STAB2: variants seen among roughly 807,000 people sequenced by gnomAD.
STAB2 encodes stabilin 2.
STAB2 carries 288 observed loss-of-function variants against 338.1 expected under a neutral mutation model. The observed-to-expected ratio is 0.85, with a 90% confidence interval of 0.77 to 0.94. The LOEUF is 0.94. Ranked by LOEUF, STAB2 falls within the 40% of genes least tolerant of loss-of-function variation. The pLI, the probability that STAB2 is intolerant of heterozygous loss-of-function variation, is 0.00. For synonymous variants in STAB2, 1,202 were observed against 1,193.3 expected, an observed-to-expected ratio of 1.01 and a Z score of -0.15; for missense variants, 3,141 against 3,210.1, an observed-to-expected ratio of 0.98 and a Z score of 0.52.
chr12:103,622,196 A>G (rs775242153), intron 5 of STAB2, 85 bp downstream of exon 5: 1 of 1,397,148 alleles, frequency 7.2e-7, no homozygotes, highest in South Asian at 1.2e-5. Context: ...AAAACACTGA[A>G]TAGTTATGTG....
At chr12:103,661,624 A>G (rs1301648673) in intron 17 of STAB2, among the ~76,000 whole-genome samples, 1 of 152,238 alleles carries the variant, frequency 6.6e-6, no homozygotes, top group Admixed American at 6.5e-5. Context: ...GGGGGACAGA[A>G]GGTGGGGATG....
chr12:103,677,317 G>A, intron 24 of STAB2, 136 bp from the exon 25 acceptor site: 8 of 1,249,736 alleles, frequency 6.4e-6, no homozygotes, highest in Non-Finnish European at 8.8e-6. Context: ...GAATCTCAAT[G>A]TAAATTAAGC....
intron 38 of STAB2, 112 bp downstream of exon 38, chr12:103,707,099 G>GATTCCAGCCCA: frequency 8.5e-7 from 1 of 1,181,652 alleles, no homozygotes; most frequent in Non-Finnish European, 1.2e-6. Flanking sequence ...CCCCAAGTGG[G>GATTCCAGCCCA]CTGGAATCCC....
Position 103,706,914 on chromosome 12 carries a change from G to A in STAB2, c.4119G>A (p.Glu1373=). The A allele has an allele frequency of 6.2e-7, 1 of 1,614,258 alleles. No individual in the cohort carries two copies. Among genetic ancestry groups the A allele is most frequent in the Non-Finnish European group, 8.5e-7 (1 of 1,180,050 alleles). The change falls in exon 38 of 69, where the codon GAG becomes GAA. Residue 1373 remains glutamate, a synonymous_variant. Transcript: ENST00000388887. ...LDGVNGTGVC[E]CGEGFSGTAC... is the part of the protein sequence containing the mutation. ...GAGTGAATGGCACAGGTGTGTGTGAGTGTGGGGAGGGCTTCAGCGGCACAG... is the reference window on the plus strand; with the variant it reads ...GAGTGAATGGCACAGGTGTGTGTGAATGTGGGGAGGGCTTCAGCGGCACAG...
chr12:103,759,393 T>G, intron 65 of STAB2, 120 bp downstream of exon 65: 9 of 1,379,436 alleles, frequency 6.5e-6, no homozygotes, highest in Non-Finnish European at 7.7e-6. Flanking sequence ...AACCTGCAGA[T>G]AGGGGACGGT....
At chr12:103,761,134 G>A (rs1029420402) in intron 65 of STAB2, among the ~76,000 whole-genome samples, 166 bp from the exon 66 acceptor site, 1 of 152,154 alleles carries the variant, frequency 6.6e-6, no homozygotes, top group Non-Finnish European at 1.5e-5. Flanking sequence ...GACAATTAAT[G>A]TGTTCTGGGC....
chr12:103,699,649 G>A (rs768466385), intron 34 of STAB2, among the ~76,000 whole-genome samples: 17 of 152,232 alleles, frequency 1.1e-4, no homozygotes, highest in Non-Finnish European at 1.6e-4. Context: ...AGATTTGGGT[G>A]TGGGCACAGC....
At chr12:103,675,364 T>C (rs1481523051) in intron 23 of STAB2, among the ~76,000 whole-genome samples, 2 of 152,136 alleles carry the variant, frequency 1.3e-5, no homozygotes, top group Non-Finnish European at 2.9e-5. Context: ...AAATGTGGTG[T>C]TGGGGGAAAA....
intron 56 of STAB2, among the ~76,000 whole-genome samples, chr12:103,743,466 A>G (rs1159871924): frequency 1.3e-5 from 2 of 152,228 alleles, no homozygotes; most frequent in African/African-American, 4.8e-5. Flanking sequence ...AGGGTGAAGA[A>G]TGAAAGGAGA....
At chr12:103,618,455 T>C (rs552347943) in intron 3 of STAB2, among the ~76,000 whole-genome samples, 22 of 152,316 alleles carry the variant, frequency 1.4e-4, no homozygotes, top group Admixed American at 4.6e-4. Context: ...GTCTAAGACA[T>C]TTTGTTATAG....
intron 3 of STAB2, among the ~76,000 whole-genome samples, chr12:103,608,486 T>G (rs1205344739): frequency 6.6e-6 from 1 of 152,212 alleles, no homozygotes; most frequent in Non-Finnish European, 1.5e-5. Flanking sequence ...CATAAATGTC[T>G]TCTTTTGAGG....
At chr12:103,640,051 A>T in intron 8 of STAB2, 72 bp from the exon 9 acceptor site, 1 of 1,512,432 alleles carries the variant, frequency 6.6e-7, no homozygotes, top group South Asian at 1.3e-5. Context: ...ATAAAAATAC[A>T]AATTAAAGAA....
At chr12:103,638,357 T>G (rs1360701578) in intron 8 of STAB2, 145 bp downstream of exon 8, 2 of 880,012 alleles carry the variant, frequency 2.3e-6, no homozygotes, top group Non-Finnish European at 3.3e-6. Context: ...CTCCATGTGC[T>G]CAGAGCCTGA....
At chr12:103,685,151 C>CT (rs1877282642) in intron 27 of STAB2, 67 bp downstream of exon 27, 16 of 1,409,164 alleles carry the variant, frequency 1.1e-5, no homozygotes, top group Non-Finnish European at 6.0e-6. Context: ...GCTAAGATGC[C>CT]TTTAAAGTGA....
At chr12:103,734,000 CCATATAGGAGCAAGCATGAT>C (rs1881869889) in intron 51 of STAB2, among the ~76,000 whole-genome samples, 1 of 139,526 alleles carries the variant, frequency 7.2e-6, no homozygotes, top group Admixed American at 7.3e-5. Flanking sequence ...GCAAGCACGA[CCATATAGGAGCAAGCATGAT>C]CATATAGGAA....
chr12:103,619,327 C>T (rs1224812324), intron 3 of STAB2, among the ~76,000 whole-genome samples: 1 of 152,052 alleles, frequency 6.6e-6, no homozygotes, highest in East Asian at 1.9e-4. Context: ...AGAGCTCATC[C>T]ATATTGGCAA....
At chr12:103,650,384 A>C in intron 10 of STAB2, 112 bp from the exon 11 acceptor site, 1 of 757,566 alleles carries the variant, frequency 1.3e-6, no homozygotes, top group Non-Finnish European at 2.2e-6. Flanking sequence ...ATTAGAATAG[A>C]GAAGGGCATA....
chr12:103,713,592 A>G lies in STAB2; in HGVS notation c.4412-51A>G, dbSNP rs189530104. 4 of 1,603,362 alleles carry G rather than the reference A, an allele frequency of 2.5e-6. No homozygotes were observed. The African/African-American group carries it at 5.3e-5, about 21-fold the overall frequency. On this transcript the variant is annotated intron_variant, in intron 41 of 68. Transcript: ENST00000388887. ...TCAATGACTTGAGGAAAAATACATC[A>G]ATGGCTTTTGCCCTTCCCTCTCCCC...
chr12:103,743,121 C>T (rs1387176909), intron 56 of STAB2, among the ~76,000 whole-genome samples: 2 of 149,516 alleles, frequency 1.3e-5, no homozygotes, highest in African/African-American at 2.5e-5. Context: ...CTCCCAGGTT[C>T]AAGTGATTCT....
Sources: allele counts gnomAD v4.1 joint callset (sites outside exome capture counted in the v4.1 genomes callset), GRCh38; gene constraint gnomAD v4.1.1; transcripts MANE v1.5; gene names NCBI Gene and HGNC (gene_info 2026-07-23, HGNC 2026-07-21).